Variants in MYH13 observed in about 807,000 individuals in gnomAD.
MYH13 encodes the protein myosin-13.
MYH13 carries 177 observed loss-of-function variants against 232.1 expected under a neutral mutation model. The ratio of observed to expected loss-of-function variants is 0.76; its 90% CI spans 0.67 to 0.86. MYH13 has a LOEUF of 0.86. MYH13 is among the 40% of genes least tolerant of loss of function. MYH13 has a pLI of 0.00. For missense variants in MYH13, 2,246 were observed against 2,405.9 expected (o/e 0.93, Z 1.39); for synonymous variants, 884 against 923.5 (o/e 0.96, Z 0.78).
chr17:10,320,130 T>C (rs1266329149), intron 26 of MYH13, 23 bp downstream of exon 26: 2 of 1,543,974 alleles, frequency 1.3e-6, no homozygotes, highest in Non-Finnish European at 1.8e-6. Flanking sequence ...TTGTCATGAT[T>C]GGGAAGGTTT....
intron 26 of MYH13, 49 bp downstream of exon 26, chr17:10,320,104 C>T (rs767441686): frequency 2.4e-5 from 34 of 1,403,114 alleles, no homozygotes; most frequent in Middle Eastern, 3.5e-4. Flanking sequence ...TGAGGAGGGG[C>T]GCTCTTGCAA....
chr17:10,309,406 C>T lies in MYH13; in HGVS notation c.4997G>A (p.Arg1666Lys), dbSNP rs1204463026. 1.2e-6 allele frequency: 2 copies of T among 1,608,704 alleles called. No individual in the cohort carries two copies. Among genetic ancestry groups the T allele is most frequent in the South Asian group, 1.1e-5 (1 of 90,054 alleles). ...CTGCTCCTTGAGGTCCTCATTGCTCCTCAGGGCGTCATCGAGATGCAGCTG... is the reference window on the plus strand; with the variant it reads ...CTGCTCCTTGAGGTCCTCATTGCTCTTCAGGGCGTCATCGAGATGCAGCTG... ...DSQLHLDDAL[R>K]SNEDLKEQLA... The change falls in exon 35 of 41, where the codon AGG (arginine) becomes AAG (lysine). Residue 1666 changes from arginine to lysine, a missense_variant. Transcript: ENST00000252172.
Position 10,306,905 on chromosome 17 carries a change from A to G in MYH13, c.5295+34T>C, listed in dbSNP as rs751203528. The G allele has an allele frequency of 5.6e-6, 9 of 1,611,432 alleles. No individual in the cohort carries two copies. The highest frequency in any genetic ancestry group is 2.1e-4 in the Middle Eastern group (1 of 4,842). On this transcript the variant is annotated intron_variant, in intron 36 of 40. Coordinates refer to ENST00000252172, the MANE Select transcript of MYH13 (RefSeq NM_003802.3). The surrounding 1 kb of genome is among the most constrained non-coding windows in gnomAD (Gnocchi z 4.3). ...CAGAGGCCCCACTTTCTCAGTTCCAAACCCCATCTCTGAAAAGGAAGAACA... is the reference window on the plus strand; with the variant it reads ...CAGAGGCCCCACTTTCTCAGTTCCAGACCCCATCTCTGAAAAGGAAGAACA...
chr17:10,318,674 A>G, intron 27 of MYH13, 116 bp downstream of exon 27: 1 of 1,331,880 alleles, frequency 7.5e-7, no homozygotes, highest in Non-Finnish European at 1.0e-6. Context: ...GAAATAGGGA[A>G]GAGGGTTTCA....
chr17:10,328,963 C>T (rs1430307226), intron 21 of MYH13, among the ~76,000 whole-genome samples: 1 of 152,176 alleles, frequency 6.6e-6, no homozygotes, highest in Non-Finnish European at 1.5e-5. Context: ...CAAGCGTGAG[C>T]CACCACAACC....
rs367901073 is a variant in MYH13, at chr17:10,309,796, C to A, written c.4691G>T (p.Arg1564Leu). The A allele has an allele frequency of 5.0e-6, 8 of 1,594,912 alleles. No individual in the cohort carries two copies. The highest frequency in any genetic ancestry group is 2.6e-6 in the Non-Finnish European group (3 of 1,170,348). Residue 1564 changes from arginine (R) to leucine (L), a missense_variant, in exon 34 of 41, where the codon CGC becomes CTC. By Grantham distance (102) the Arg-to-Leu change is moderately radical. Coordinates refer to ENST00000252172, the MANE Select transcript of MYH13 (RefSeq NM_003802.3). ...SLEHEESKIL[R>L]VQLELSQVKS... The stretch of plus-strand genomic sequence containing the variant: ...CACCTGGCTCAGCTCTAGCTGCACG[C>A]GCAAGATCTTGCTCTCCTCGTGTTC...
intron 12 of MYH13, among the ~76,000 whole-genome samples, chr17:10,348,480 G>A (rs1469651595): frequency 1.3e-5 from 2 of 152,202 alleles, no homozygotes; most frequent in East Asian, 3.9e-4. Context: ...AAGCATGCCT[G>A]GTGACTAGTG....
intron 11 of MYH13, 92 bp from the exon 12 acceptor site, chr17:10,350,786 G>T: frequency 6.6e-7 from 1 of 1,517,966 alleles, no homozygotes. Context: ...TTTTTGTATA[G>T]CATATGAGAC....
intron 13 of MYH13, among the ~76,000 whole-genome samples, chr17:10,345,830 T>TA (rs1181176677): frequency 1.8e-4 from 28 of 151,666 alleles, no homozygotes; most frequent in Middle Eastern, 3.4e-3. Flanking sequence ...CCGTCTCTAC[T>TA]AAAAATACAA....
chr17:10,366,345 ACATATCTCTC>A (rs1193375469), intron 2 of MYH13, among the ~76,000 whole-genome samples: 1 of 149,496 alleles, frequency 6.7e-6, no homozygotes, highest in Non-Finnish European at 1.5e-5. Context: ...GCACACCCAC[ACATATCTCTC>A]CATATCTCTC....
intron 13 of MYH13, among the ~76,000 whole-genome samples, chr17:10,346,450 G>A (rs773842145): frequency 6.6e-6 from 1 of 152,236 alleles, no homozygotes; most frequent in East Asian, 1.9e-4. Flanking sequence ...GAGGGAGGCT[G>A]CCTGGCTCCA....
At position 10,306,739 on chromosome 17, in the gene MYH13, G is replaced by A; in HGVS notation, c.5296-110C>T. ...GGTGCTGAGCCTCCCCTGTCTGACT[G>A]GGGCCAGTCATTGCTGATTCCCCAC... On this transcript the variant is annotated intron_variant, in intron 36 of 40. Coordinates refer to ENST00000252172, the MANE Select transcript of MYH13 (RefSeq NM_003802.3). This position sits in a 1 kb window ranked among gnomAD's most constrained non-coding sequence, Gnocchi z 4.3. 1 of 1,542,440 alleles carries A rather than the reference G, an allele frequency of 6.5e-7. No homozygotes were observed. The highest frequency in any genetic ancestry group is 1.2e-5 in the South Asian group (1 of 80,506).
intron 18 of MYH13, among the ~76,000 whole-genome samples, chr17:10,338,359 T>C (rs566873848): frequency 6.6e-6 from 1 of 152,246 alleles, no homozygotes; most frequent in Non-Finnish European, 1.5e-5. Context: ...ATCACAATGA[T>C]GTAGTTGGTT....
intron 22 of MYH13, among the ~76,000 whole-genome samples, chr17:10,325,488 G>A (rs1907167784): frequency 6.6e-6 from 1 of 152,134 alleles, no homozygotes; most frequent in Admixed American, 6.5e-5. Context: ...CCTTTCAACA[G>A]AAAAGTTCTA....
At chr17:10,315,030 TGAA>T (rs1346554658) in intron 29 of MYH13, among the ~76,000 whole-genome samples, 4 of 151,964 alleles carry the variant, frequency 2.6e-5, no homozygotes, top group African/African-American at 7.3e-5. Flanking sequence ...TCAGGAATAA[TGAA>T]GAAGAAAGAG....
chr17:10,315,530 G>A (rs1015712128), intron 29 of MYH13, among the ~76,000 whole-genome samples, 163 bp downstream of exon 29: 1 of 152,046 alleles, frequency 6.6e-6, no homozygotes, highest in South Asian at 2.1e-4. Flanking sequence ...TCCTGATCTC[G>A]TGATCCATCT....
intron 21 of MYH13, among the ~76,000 whole-genome samples, chr17:10,329,256 C>G (rs1338358929): frequency 6.6e-6 from 1 of 152,168 alleles, no homozygotes; most frequent in East Asian, 1.9e-4. Flanking sequence ...AACAGGCTCC[C>G]TCCCACACTC....
At chr17:10,337,804 C>T (rs1372297796) in intron 18 of MYH13, among the ~76,000 whole-genome samples, 1 of 152,170 alleles carries the variant, frequency 6.6e-6, no homozygotes, top group Non-Finnish European at 1.5e-5. Flanking sequence ...CCTGTAATCC[C>T]AGCACTTTGG....
chr17:10,315,849 A>T (rs2142227035), intron 28 of MYH13, 38 bp from the exon 29 acceptor site: 1 of 1,613,528 alleles, frequency 6.2e-7, no homozygotes. Flanking sequence ...AGTGTTACTG[A>T]CCACCCTCTC....
Sources: gnomAD v4.1 joint callset for allele counts (sites outside exome capture counted in the v4.1 genomes callset) on GRCh38, gnomAD v4.1.1 for gene constraint, Gnocchi (gnomAD v3.1) non-coding constraint, MANE v1.5 for transcripts, NCBI Gene and HGNC (gene_info 2026-07-23, HGNC 2026-07-21) for gene names.